The following SLC2A13 variants were observed in gnomAD, a reference collection of about 807,000 sequenced individuals.
The protein encoded by SLC2A13 is solute carrier family 2 member 13, also known as proton myo-inositol cotransporter.
In SLC2A13, 32 loss-of-function variants were observed where a neutral mutation model predicts 64.4. That is an observed-to-expected ratio of 0.50 (90% confidence interval 0.37 to 0.67). The LOEUF is 0.67. Ranked by LOEUF, SLC2A13 falls within the 30% of genes least tolerant of loss-of-function variation. The pLI, the probability that SLC2A13 is intolerant of heterozygous loss-of-function variation, is 0.00. For synonymous variants in SLC2A13, 338 were observed against 327.1 expected (o/e 1.03, Z -0.36); for missense variants, 743 against 829.2 (o/e 0.90, Z 1.28).
At chr12:39,846,807 T>G (rs1386383720) in intron 6 of SLC2A13, among the ~76,000 whole-genome samples, 1 of 152,126 alleles carries the variant, frequency 6.6e-6, no homozygotes, top group African/African-American at 2.4e-5. Context: ...AATAATAGCA[T>G]CTATCTCAGT....
At chr12:39,972,020 T>TGTA (rs1210530678) in intron 3 of SLC2A13, among the ~76,000 whole-genome samples, 5 of 58,490 alleles carry the variant, frequency 8.5e-5, no homozygotes, top group African/African-American at 3.7e-4. Context: ...ATATATTTTT[T>TGTA]TTTATATAAA....
intron 3 of SLC2A13, among the ~76,000 whole-genome samples, chr12:40,004,962 G>A (rs28370755): frequency 2.3e-3 from 348 of 152,276 alleles, no homozygotes; most frequent in African/African-American, 8.1e-3. Context: ...ATGAGGAAGA[G>A]GAGGCAGAGG....
intron 1 of SLC2A13, among the ~76,000 whole-genome samples, chr12:40,099,248 T>C (rs1939067115): frequency 6.6e-6 from 1 of 152,206 alleles, no homozygotes; most frequent in Admixed American, 6.5e-5. Flanking sequence ...TTTGATACTA[T>C]TAGAAATAGG....
intron 4 of SLC2A13, among the ~76,000 whole-genome samples, chr12:39,879,064 C>T (rs78218072): frequency 0.012 from 1,860 of 152,388 alleles, 42 homozygotes; most frequent in African/African-American, 0.042. Context: ...CCAGAAGGTG[C>T]AAGGCATAAG....
intron 4 of SLC2A13, among the ~76,000 whole-genome samples, chr12:39,896,385 T>C (rs1454976604): frequency 4.9e-5 from 6 of 123,236 alleles, no homozygotes; most frequent in Admixed American, 2.4e-4. Context: ...TATATGTATG[T>C]ATATGTGTAT....
chr12:39,778,852 TAGG>T (rs763370864), intron 7 of SLC2A13, among the ~76,000 whole-genome samples: 6 of 152,146 alleles, frequency 3.9e-5, no homozygotes, highest in Non-Finnish European at 8.8e-5. Context: ...TATAGGGGTA[TAGG>T]AGGAGTTTAA....
rs1938156660 is a variant in SLC2A13 at position 40,075,979 on chromosome 12, T to C, written c.557-27769A>G. On this transcript the variant is annotated intron_variant, in intron 1 of 9. Transcript: ENST00000280871. The stretch of plus-strand genomic sequence containing the variant: ...CATTCATTGCAAGTGTTTTCACTTT[T>C]ATCTCTTGGATCACAGTTACCAAAG... 3.3e-5 allele frequency among the ~76,000 whole-genome samples: 5 copies of C among 152,332 alleles called. No homozygotes were observed. The South Asian group carries it at 1.0e-3, about 32-fold the overall frequency.
At chr12:39,830,714 G>A (rs994675327) in intron 6 of SLC2A13, among the ~76,000 whole-genome samples, 2 of 151,704 alleles carry the variant, frequency 1.3e-5, no homozygotes, top group African/African-American at 2.4e-5. Context: ...TTCAAACAAC[G>A]AAAAACATTA....
At chr12:39,995,921 C>G (rs1250891200) in intron 3 of SLC2A13, among the ~76,000 whole-genome samples, 1 of 152,326 alleles carries the variant, frequency 6.6e-6, no homozygotes, top group South Asian at 2.1e-4. Context: ...GCGGCTTCCC[C>G]AGCTACATGG....
chr12:39,812,372 CTTTTCTTTT>C (rs1942195872), intron 7 of SLC2A13, among the ~76,000 whole-genome samples: 1 of 142,170 alleles, frequency 7.0e-6, no homozygotes, highest in African/African-American at 2.7e-5. Context: ...CTTTTCTTTT[CTTTTCTTTT>C]CTTTCTTTCT....
intron 7 of SLC2A13, among the ~76,000 whole-genome samples, chr12:39,774,585 T>C (rs1266905623): frequency 1.9e-3 from 12 of 6,382 alleles, no homozygotes; most frequent in African/African-American, 3.6e-3. Flanking sequence ...TTGTCCAGCC[T>C]TTTTTTTTTT....
intron 4 of SLC2A13, among the ~76,000 whole-genome samples, chr12:39,931,248 C>G (rs7978427): frequency 6.6e-6 from 1 of 152,112 alleles, no homozygotes; most frequent in African/African-American, 2.4e-5. Context: ...CTATAAGGAT[C>G]GTCTACTTCT....
At chr12:39,892,358 C>T (rs985738648) in intron 4 of SLC2A13, among the ~76,000 whole-genome samples, 5 of 152,124 alleles carry the variant, frequency 3.3e-5, no homozygotes, top group Admixed American at 2.6e-4. Flanking sequence ...TTATTTCTCC[C>T]CAGGGAGATT....
intron 6 of SLC2A13, among the ~76,000 whole-genome samples, chr12:39,839,220 C>T (rs1297271576): frequency 2.0e-5 from 3 of 152,052 alleles, no homozygotes; most frequent in Non-Finnish European, 4.4e-5. Context: ...GACTCCATGC[C>T]TTGCTTGGAG....
intron 3 of SLC2A13, among the ~76,000 whole-genome samples, chr12:39,967,782 GAGAA>G (rs996505741): frequency 2.0e-5 from 3 of 152,146 alleles, no homozygotes; most frequent in African/African-American, 7.2e-5. Context: ...GGAAGGAGAA[GAGAA>G]AGAAATACAC....
rs2136270553 is a variant in SLC2A13, at chr12:40,071,882, T to G, written c.557-23672A>C. Among the ~76,000 whole-genome samples the G allele has an allele frequency of 2.0e-5, 3 of 152,266 alleles. No individual in the cohort carries two copies. In the South Asian group the frequency reaches 6.2e-4, roughly 32 times the overall value. ...CTTTTCAAATAACCAGTTTTTTGTT[T>G]TGTAGATTTCCTCTATCAATTTCCT... On this transcript the variant is annotated intron_variant, in intron 1 of 9. Transcript: ENST00000280871.
intron 1 of SLC2A13, among the ~76,000 whole-genome samples, chr12:40,055,249 GTTAT>G (rs1948316709): frequency 1.3e-5 from 2 of 152,176 alleles, no homozygotes; most frequent in Non-Finnish European, 2.9e-5. Flanking sequence ...GAAGAGTCAG[GTTAT>G]AAGAAAGATT....
At chr12:40,095,674 C>A (rs1938914696) in intron 1 of SLC2A13, among the ~76,000 whole-genome samples, 1 of 152,096 alleles carries the variant, frequency 6.6e-6, no homozygotes, top group Non-Finnish European at 1.5e-5. Flanking sequence ...ATATTACAAT[C>A]CCTCAAGTGA....
intron 1 of SLC2A13, among the ~76,000 whole-genome samples, chr12:40,061,040 T>C (rs1948412188): frequency 6.6e-6 from 1 of 152,114 alleles, no homozygotes; most frequent in Non-Finnish European, 1.5e-5. Context: ...TTTTGTTATG[T>C]TAAATATGTA....
Sources: gnomAD v4.1 joint callset for allele counts (sites outside exome capture counted in the v4.1 genomes callset) on GRCh38, gnomAD v4.1.1 for gene constraint, MANE v1.5 for transcripts, NCBI Gene and HGNC (gene_info 2026-07-23, HGNC 2026-07-21) for gene names.